SLC9A7: variants seen among roughly 807,000 people sequenced by gnomAD.
The protein encoded by SLC9A7 is solute carrier family 9 member A7.
A neutral mutation model predicts 52.6 loss-of-function variants in SLC9A7; 19 were observed. The observed-to-expected ratio is 0.36, with a 90% confidence interval of 0.25 to 0.53. SLC9A7 has a LOEUF of 0.53. Among genes scored for constraint, SLC9A7 ranks in the 20% least tolerant of loss-of-function variants. The pLI, the probability that SLC9A7 is intolerant of heterozygous loss-of-function variation, is 0.91. For synonymous variants in SLC9A7, 226 were observed against 252.1 expected (o/e 0.90, Z 0.98); for missense variants, 455 against 597.9 (o/e 0.76, Z 2.49).
chrX:46,652,315 T>C (rs1409637223), intron 8 of SLC9A7, among the ~76,000 whole-genome samples: 1 of 110,863 alleles, frequency 9.0e-6, no homozygotes, highest in African/African-American at 3.3e-5. Flanking sequence ...CACACCCAGC[T>C]AATTTTTGTA....
intron 1 of SLC9A7, among the ~76,000 whole-genome samples, chrX:46,732,914 G>A (rs1051416615): frequency 3.6e-5 from 4 of 112,106 alleles, no homozygotes; most frequent in African/African-American, 1.3e-4. Context: ...ATACCTCTTC[G>A]TACCAATATG....
chrX:46,639,343 G>A (rs1387326897), intron 12 of SLC9A7, among the ~76,000 whole-genome samples: 4 of 104,722 alleles, frequency 3.8e-5, no homozygotes, highest in African/African-American at 1.4e-4. Flanking sequence ...GTGCAGTGGC[G>A]TGATCTCAGC....
At chrX:46,672,405 G>A (rs762055547) in intron 4 of SLC9A7, 146 bp downstream of exon 4, 16 of 365,940 alleles carry the variant, frequency 4.4e-5, no homozygotes, top group African/African-American at 4.1e-4. Flanking sequence ...GCCACACGTG[G>A]CTAATAGCTA....
chrX:46,612,656 G>A (rs1026471295), intron 16 of SLC9A7, among the ~76,000 whole-genome samples: 4 of 110,771 alleles, frequency 3.6e-5, no homozygotes, highest in Non-Finnish European at 7.6e-5. Context: ...GGCCGGGCAT[G>A]GTGGCTCACG....
intron 14 of SLC9A7, among the ~76,000 whole-genome samples, chrX:46,630,711 A>G (rs1943207098): frequency 1.8e-5 from 2 of 111,924 alleles, no homozygotes; most frequent in South Asian, 7.4e-4. Context: ...AAATTTGTTG[A>G]TACTCTTCCC....
chrX:46,709,913 C>A (rs753616100), intron 1 of SLC9A7, among the ~76,000 whole-genome samples: 1 of 112,173 alleles, frequency 8.9e-6, no homozygotes, highest in East Asian at 2.8e-4. Flanking sequence ...TTATTACATA[C>A]GCTGATTTTA....
chrX:46,636,697 CACAG>C (rs755521832), intron 12 of SLC9A7, among the ~76,000 whole-genome samples: 49 of 110,683 alleles, frequency 4.4e-4, no homozygotes, highest in African/African-American at 1.5e-3. Context: ...AGTGCCACAG[CACAG>C]ACAGAGATGC....
intron 14 of SLC9A7, among the ~76,000 whole-genome samples, chrX:46,629,074 G>C (rs991956942): frequency 8.9e-6 from 1 of 112,546 alleles, no homozygotes; most frequent in African/African-American, 3.2e-5. Context: ...AAGGTCAGTG[G>C]AACTGACTTT....
At chrX:46,725,599 T>C in intron 1 of SLC9A7, 1 of 1,046,088 alleles carries the variant, frequency 9.6e-7, no homozygotes, top group Non-Finnish European at 1.3e-6. Flanking sequence ...TGCTCATACA[T>C]CCACTTTTGC....
chrX:46,744,097 C>T lies in SLC9A7; in HGVS notation c.325+14608G>A, dbSNP rs189512185. On this transcript the variant is annotated intron_variant, in intron 1 of 16. Coordinates refer to ENST00000616978, the MANE Select transcript of SLC9A7 (RefSeq NM_001257291.2). ...TGTATTGCCAGAAGTGTTCTCCATT[C>T]CCACGGTTACCTCTTGACCAAATAC... Among the ~76,000 whole-genome samples the T allele has an allele frequency of 4.4e-5, 5 of 112,805 alleles. No individual in the cohort carries two copies. The Admixed American group carries it at 4.7e-4, about 11-fold the overall frequency.
intron 10 of SLC9A7, among the ~76,000 whole-genome samples, chrX:46,649,216 A>G (rs2146773245): frequency 8.9e-6 from 1 of 112,118 alleles, no homozygotes; most frequent in African/African-American, 3.2e-5. Flanking sequence ...AAAAGGCACT[A>G]GAAGAAAACA....
At position 46,602,760 on chromosome X, in the gene SLC9A7, T is replaced by C. The variant is rs1942680018; in HGVS notation, c.*4192A>G. On this transcript the variant is annotated 3_prime_UTR_variant, in exon 17 of 17. Transcript: ENST00000616978. The stretch of plus-strand genomic sequence containing the variant: ...TTACTTAGCAGTTTCAATCTGATCT[T>C]ATGCCAGACTGGCAGCAGATAGTTG... The C allele has an allele frequency of 8.9e-6, 1 of 112,659 alleles. No homozygotes were observed. The allele number at this position is 112,659 out of a possible 1,213,427, so 9.3% of individuals were successfully genotyped here.
chrX:46,738,035 G>A (rs868646086), intron 1 of SLC9A7, among the ~76,000 whole-genome samples: 1 of 3,303 alleles, frequency 3.0e-4, no homozygotes, highest in African/African-American at 1.2e-3. Context: ...TCAAAAAAAA[G>A]AAAGAAAGAA....
chrX:46,713,784 A>G (rs1484103591), intron 1 of SLC9A7, among the ~76,000 whole-genome samples: 1 of 110,408 alleles, frequency 9.1e-6, no homozygotes, highest in African/African-American at 3.3e-5. Flanking sequence ...TAGTGACTCT[A>G]GTATTATTAG....
Position 46,718,995 on chromosome X carries a change from C to T in SLC9A7, c.326-36460G>A, listed in dbSNP as rs778055460. Among the ~76,000 whole-genome samples the T allele has an allele frequency of 6.3e-5, 7 of 111,790 alleles. No individual in the cohort carries two copies. The South Asian group carries it at 2.6e-3, about 42-fold the overall frequency. On this transcript the variant is annotated intron_variant, in intron 1 of 16. Coordinates refer to ENST00000616978, the MANE Select transcript of SLC9A7 (RefSeq NM_001257291.2). ...TCATGCTGCTATAAAGACACATGCACACATATGTTTATTGTGGCACTATTC... is the reference window on the plus strand; with the variant it reads ...TCATGCTGCTATAAAGACACATGCATACATATGTTTATTGTGGCACTATTC...
chrX:46,636,606 C>A (rs1331608808), intron 12 of SLC9A7, among the ~76,000 whole-genome samples: 2 of 109,996 alleles, frequency 1.8e-5, no homozygotes, highest in African/African-American at 6.6e-5. Context: ...GGCAGTATCA[C>A]CCTCATGGGT....
intron 5 of SLC9A7, among the ~76,000 whole-genome samples, chrX:46,667,600 T>C (rs1300976264): frequency 4.5e-5 from 5 of 112,020 alleles, no homozygotes; most frequent in African/African-American, 1.3e-4. Context: ...TTGCAGATTA[T>C]AGAACATCTC....
Position 46,653,725 on chromosome X carries a change from T to C in SLC9A7, c.1042-11A>G. 8.5e-7 allele frequency: 1 copy of C among 1,177,445 alleles called. No individual in the cohort carries two copies. The highest frequency in any genetic ancestry group is 1.2e-6 in the Non-Finnish European group (1 of 865,499). On this transcript the variant is annotated splice_polypyrimidine_tract_variant and intron_variant, in intron 7 of 16. Transcript: ENST00000616978. ...GGTAAACTTAGTCACGTTGGCATTC[T>C]GTCAAGGACCCTGTCTCCAGGTACA...
intron 1 of SLC9A7, among the ~76,000 whole-genome samples, chrX:46,683,513 A>G (rs1944246333): frequency 9.0e-6 from 1 of 111,255 alleles, no homozygotes; most frequent in Non-Finnish European, 1.9e-5. Flanking sequence ...TAGCTATGAG[A>G]TGGCTAAGAT....
Sources: allele counts gnomAD v4.1 joint callset (sites outside exome capture counted in the v4.1 genomes callset), GRCh38; gene constraint gnomAD v4.1.1; transcripts MANE v1.5; gene names NCBI Gene and HGNC (gene_info 2026-07-23, HGNC 2026-07-21).